The following PDGFRL variants were observed in gnomAD, a reference collection of about 807,000 sequenced individuals.
The protein encoded by PDGFRL is platelet derived growth factor receptor like.
In PDGFRL, 46 loss-of-function variants were observed where a neutral mutation model predicts 37.2. The observed-to-expected ratio is 1.24, with a 90% CI of 0.98 to 1.58. PDGFRL has a LOEUF of 1.58. Among genes scored for constraint, PDGFRL ranks in the 40% most tolerant of loss-of-function variants. PDGFRL has a pLI of 0.00. For missense variants in PDGFRL, 692 were observed against 467.6 expected (o/e 1.48, Z -4.43); for synonymous variants, 251 against 184.3 (o/e 1.36, Z -2.93).
At chr8:17,638,874 T>C (rs1805035702) in intron 5 of PDGFRL, among the ~76,000 whole-genome samples, 1 of 150,316 alleles carries the variant, frequency 6.7e-6, no homozygotes, top group Admixed American at 6.7e-5. Flanking sequence ...CTTTAACGTT[T>C]GTTCTGTCTG....
intron 1 of PDGFRL, among the ~76,000 whole-genome samples, chr8:17,583,552 G>C (rs933571539): frequency 6.6e-6 from 1 of 152,118 alleles, no homozygotes; most frequent in Non-Finnish European, 1.5e-5. Context: ...TGAAAGACAT[G>C]AGTTTTGGGG....
chr8:17,599,641 C>T (rs1442052401), intron 2 of PDGFRL, among the ~76,000 whole-genome samples: 3 of 152,180 alleles, frequency 2.0e-5, no homozygotes, highest in Non-Finnish European at 4.4e-5. Context: ...TAGATGTGGC[C>T]ACCTCACGTT....
chr8:17,596,418 T>C (rs1563510751), intron 2 of PDGFRL: 2 of 665,048 alleles, frequency 3.0e-6, no homozygotes. Context: ...TTCACCAAAG[T>C]CAGATTCATG....
chr8:17,601,629 C>T (rs1050667218), intron 2 of PDGFRL, among the ~76,000 whole-genome samples: 3 of 152,122 alleles, frequency 2.0e-5, no homozygotes, highest in Non-Finnish European at 2.9e-5. Context: ...CACCCTCCAC[C>T]TTCAAGTGGG....
chr8:17,596,890 T>C (rs781353324), intron 2 of PDGFRL, among the ~76,000 whole-genome samples: 4 of 152,252 alleles, frequency 2.6e-5, no homozygotes, highest in Non-Finnish European at 5.9e-5. Context: ...CAGAACGTGG[T>C]GCCTTTGGAT....
intron 2 of PDGFRL, among the ~76,000 whole-genome samples, chr8:17,597,626 T>C (rs2246378): frequency 0.15 from 22,075 of 152,168 alleles, 4,292 homozygotes; most frequent in African/African-American, 0.43. Flanking sequence ...TCTGGCTTTA[T>C]TCATCAGTGA....
intron 2 of PDGFRL, among the ~76,000 whole-genome samples, chr8:17,604,145 A>C (rs1261599688): frequency 6.6e-6 from 1 of 152,184 alleles, no homozygotes; most frequent in Non-Finnish European, 1.5e-5. Flanking sequence ...TGGGACTGTA[A>C]ACTAGTTCAA....
At chr8:17,577,381 T>G in intron 1 of PDGFRL, 74 bp downstream of exon 1, 1 of 1,265,072 alleles carries the variant, frequency 7.9e-7, no homozygotes, top group South Asian at 1.2e-5. Context: ...CCCGCCGCCC[T>G]CCTGCCAGCT....
chr8:17,589,773 T>C lies in PDGFRL; in HGVS notation c.353+8T>C, dbSNP rs1181467769. Reference sequence around the variant, plus strand: ...TAAGGATTCTCGCCTCAGGTAAGCATTTTTTTTTAAAACTGTGTAGGGTTG... The same window carrying C: ...TAAGGATTCTCGCCTCAGGTAAGCACTTTTTTTTAAAACTGTGTAGGGTTG... On this transcript the variant is annotated splice_region_variant and intron_variant, in intron 2 of 5. Coordinates refer to ENST00000251630, the MANE Select transcript of PDGFRL (RefSeq NM_001372073.1). 1.3e-5 allele frequency: 18 copies of C among 1,434,202 alleles called. No homozygotes were observed. The highest frequency in any genetic ancestry group is 1.7e-5 in the Non-Finnish European group (18 of 1,045,482). The allele number at this position is 1,434,202 out of a possible 1,614,324, so 88.8% of individuals were successfully genotyped here. A position where few individuals can be genotyped will look rare whatever the true frequency, so the allele number is the denominator to read the frequency against.
intron 2 of PDGFRL, among the ~76,000 whole-genome samples, chr8:17,595,067 A>T (rs1277281487): frequency 1.1e-4 from 16 of 152,120 alleles, no homozygotes; most frequent in Non-Finnish European, 4.4e-5. Flanking sequence ...TTGAATACAC[A>T]AGCCGGGTCA....
chr8:17,629,193 G>C (rs969306231), intron 4 of PDGFRL, among the ~76,000 whole-genome samples: 3 of 150,802 alleles, frequency 2.0e-5, no homozygotes, highest in Non-Finnish European at 2.9e-5. Flanking sequence ...GCTTCCCAGA[G>C]TGCCGAGATT....
chr8:17,610,385 A>C (rs2517203), intron 2 of PDGFRL, among the ~76,000 whole-genome samples: 150,891 of 152,300 alleles, frequency 0.99, 74,761 homozygotes, highest in Middle Eastern at 1. Context: ...TTTTTGAGCA[A>C]TATGACATTC....
chr8:17,634,463 T>G (rs1422079962), intron 5 of PDGFRL, among the ~76,000 whole-genome samples: 1 of 151,946 alleles, frequency 6.6e-6, no homozygotes, highest in Non-Finnish European at 1.5e-5. Context: ...TTGCTCAATG[T>G]ACCCTCTTCA....
At position 17,642,625 on chromosome 8, in the gene PDGFRL, G is replaced by A. The variant is rs1805162981; in HGVS notation, c.952G>A (p.Val318Met). The change falls in exon 6 of 6, where the codon GTG becomes ATG. Residue 318 changes from valine (V) to methionine (M), a missense_variant. By Grantham distance (21) the Val-to-Met change is conservative (BLOSUM62 1). Transcript: ENST00000251630. ...TGTCGTTAAACAGGATGAAAGGCCT[G>A]TGACGATCCAAGACACTTGGAGGTT... ...IFPGQKDERP[V>M]TIQDTWRLIH... is the part of the protein sequence containing the mutation. The A allele has an allele frequency of 6.2e-7, 1 of 1,607,934 alleles. No homozygotes were observed. Among genetic ancestry groups the A allele is most frequent in the Non-Finnish European group, 8.5e-7 (1 of 1,174,476 alleles).
At chr8:17,606,161 G>A (rs2237824) in intron 2 of PDGFRL, among the ~76,000 whole-genome samples, 13,843 of 148,580 alleles carry the variant, frequency 0.093, 1,086 homozygotes, top group African/African-American at 0.21. Context: ...AGAGTACTCT[G>A]GTGTTATGCT....
Position 17,642,625 on chromosome 8 carries a change from G to T in PDGFRL, c.952G>T (p.Val318Leu). ...IFPGQKDERPVTIQDTWRLIH... is the reference protein window; with the variant it reads ...IFPGQKDERPLTIQDTWRLIH... ...TGTCGTTAAACAGGATGAAAGGCCT[G>T]TGACGATCCAAGACACTTGGAGGTT... The change falls in exon 6 of 6, where the codon GTG becomes TTG. Residue 318 changes from valine (V) to leucine (L), a missense_variant. Coordinates refer to ENST00000251630, the MANE Select transcript of PDGFRL (RefSeq NM_001372073.1). 5 of 1,608,052 alleles carry T rather than the reference G, an allele frequency of 3.1e-6. No individual in the cohort carries two copies. Among genetic ancestry groups the T allele is most frequent in the Non-Finnish European group, 2.6e-6 (3 of 1,174,468 alleles).
At chr8:17,576,641 A>G, upstream of PDGFRL, 1 of 878,904 alleles carries the variant, frequency 1.1e-6, no homozygotes. Context: ...CTCATTTTCC[A>G]CGTTATTCCT....
chr8:17,632,878 C>T (rs935600824), intron 4 of PDGFRL, among the ~76,000 whole-genome samples: 2 of 152,202 alleles, frequency 1.3e-5, no homozygotes, highest in African/African-American at 4.8e-5. Flanking sequence ...GTTCCTGTCT[C>T]TGAAGCTCGG....
intron 2 of PDGFRL, among the ~76,000 whole-genome samples, chr8:17,600,517 A>C (rs142814317): frequency 1.1e-3 from 172 of 152,088 alleles, no homozygotes; most frequent in African/African-American, 4.1e-3. Context: ...TGGATCTTTC[A>C]TGAGCTTTTA....
Sources: gnomAD v4.1 joint callset for allele counts (sites outside exome capture counted in the v4.1 genomes callset) on GRCh38, gnomAD v4.1.1 for gene constraint, MANE v1.5 for transcripts, NCBI Gene and HGNC (gene_info 2026-07-23, HGNC 2026-07-21) for gene names.